Variants in LPIN2 observed in about 807,000 individuals in gnomAD.
The protein encoded by LPIN2 is phosphatidate phosphatase LPIN2.
A neutral mutation model predicts 111.4 loss-of-function variants in LPIN2; 55 were observed. The ratio of observed to expected loss-of-function variants is 0.49; its 90% CI spans 0.40 to 0.62. The LOEUF (loss-of-function observed/expected upper bound fraction) is 0.62. Among genes scored for constraint, LPIN2 ranks in the 20% least tolerant of loss-of-function variants. LPIN2 has a pLI of 0.00. For synonymous variants in LPIN2, 425 were observed against 414.0 expected (o/e 1.03, Z -0.32); for missense variants, 992 against 1,112.1 (o/e 0.89, Z 1.54).
intron 3 of LPIN2, among the ~76,000 whole-genome samples, chr18:2,951,734 C>G (rs1386764057): frequency 1.3e-5 from 2 of 152,180 alleles, no homozygotes; most frequent in Admixed American, 1.3e-4. Context: ...AGAACTCACA[C>G]AGAACATTCA....
intron 9 of LPIN2, among the ~76,000 whole-genome samples, chr18:2,929,512 T>G (rs2077185140): frequency 6.6e-6 from 1 of 152,182 alleles, no homozygotes. Context: ...GAAGTTCTAT[T>G]CTCAGAGGAA....
intron 1 of LPIN2, among the ~76,000 whole-genome samples, chr18:3,012,806 A>C (rs62077521): frequency 1 from 151,873 of 151,878 alleles, 75,934 homozygotes; most frequent in Middle Eastern, 1. Flanking sequence ...TGACGCCCCG[A>C]CGCCCCCGGC....
chr18:2,947,513 A>C (rs977417089), intron 4 of LPIN2, among the ~76,000 whole-genome samples: 5 of 152,220 alleles, frequency 3.3e-5, no homozygotes, highest in African/African-American at 4.8e-5. Context: ...TCCAGAAATG[A>C]GTTTCTTCCA....
chr18:2,951,079 T>C lies in LPIN2; in HGVS notation c.566A>G (p.Asp189Gly), dbSNP rs745512738. ...DTCDVGVSSD[D>G]DKGAQAARGS... ...CCGTGCTGCCTGGGCCCCCTTGTCA[T>C]CATCGGAGCTCACGCCTACATCACA... The change falls in exon 4 of 20, where the codon GAT becomes GGT. Residue 189 changes from aspartate (D) to glycine (G), a missense_variant. Physicochemically the swap from Asp to Gly is moderately conservative, Grantham distance 94 (BLOSUM62 -1). Around this residue, in one of 4 missense-constraint regions of LPIN2, gnomAD observed 709 missense variants for 753.2 expected, o/e 0.94. Coordinates refer to ENST00000677752, the MANE Select transcript of LPIN2 (RefSeq NM_001375808.2). The C allele has an allele frequency of 6.2e-7, 1 of 1,614,186 alleles. No homozygotes were observed. Among genetic ancestry groups the C allele is most frequent in the Non-Finnish European group, 8.5e-7 (1 of 1,180,030 alleles).
Position 2,920,151 on chromosome 18 carries a change from G to T in LPIN2, c.*142C>A. The T allele has an allele frequency of 8.7e-7, 1 of 1,149,906 alleles. No homozygotes were observed. The highest frequency in any genetic ancestry group is 1.3e-6 in the Non-Finnish European group (1 of 787,914). The allele number at this position is 1,149,906 out of a possible 1,614,324, so 71.2% of individuals were successfully genotyped here. ...GAGCCTGAGCAGCTGGCCTGGGAAGGCAAAGGAGGATGGCGGGACCAGCTC... is the reference window on the plus strand; with the variant it reads ...GAGCCTGAGCAGCTGGCCTGGGAAGTCAAAGGAGGATGGCGGGACCAGCTC... On this transcript the variant is annotated 3_prime_UTR_variant, in exon 20 of 20. Coordinates refer to ENST00000677752, the MANE Select transcript of LPIN2 (RefSeq NM_001375808.2).
chr18:2,982,899 G>T (rs1485709704), intron 1 of LPIN2: 2 of 340,752 alleles, frequency 5.9e-6, no homozygotes, highest in Admixed American at 4.1e-5. Flanking sequence ...GAAAGGAAAT[G>T]GTTCTTAAAA....
chr18:2,985,454 T>A (rs1370173166), intron 1 of LPIN2: 5 of 152,176 alleles, frequency 3.3e-5, no homozygotes, highest in East Asian at 1.9e-4. Context: ...ATCTTTTTTT[T>A]AAAAAGTGCA....
intron 3 of LPIN2, among the ~76,000 whole-genome samples, chr18:2,953,706 T>A (rs1215461479): frequency 6.6e-6 from 1 of 152,252 alleles, no homozygotes; most frequent in East Asian, 1.9e-4. Flanking sequence ...CCTTAATAAC[T>A]TGATGCTTAT....
intron 9 of LPIN2, among the ~76,000 whole-genome samples, chr18:2,930,669 A>C (rs952891018): frequency 2.0e-5 from 3 of 152,348 alleles, no homozygotes; most frequent in Middle Eastern, 3.4e-3. Context: ...AATGCTGATG[A>C]ATTGAGGACG....
intron 16 of LPIN2, among the ~76,000 whole-genome samples, 166 bp from the exon 17 acceptor site, chr18:2,922,365 C>T (rs1236802380): frequency 2.0e-5 from 3 of 151,830 alleles, no homozygotes; most frequent in African/African-American, 7.3e-5. Context: ...ACCTCCACCT[C>T]CTGGATTCAA....
chr18:2,918,426 G>C lies in LPIN2; in HGVS notation c.*1867C>G, dbSNP rs915486007. ...TCATTCTTCCTCTAAATAGAAGGTA[G>C]TCAAGAGGACACACAGATGGCATCT... On this transcript the variant is annotated 3_prime_UTR_variant, in exon 20 of 20. Transcript: ENST00000677752. 2.6e-5 allele frequency: 4 copies of C among 152,230 alleles called. No individual in the cohort carries two copies. The highest frequency in any genetic ancestry group is 5.9e-5 in the Non-Finnish European group (4 of 68,050). The allele number at this position is 152,230 out of a possible 1,614,324, so 9.4% of individuals were successfully genotyped here.
chr18:3,008,267 C>A (rs1209619867), intron 1 of LPIN2, among the ~76,000 whole-genome samples: 1 of 152,142 alleles, frequency 6.6e-6, no homozygotes, highest in Non-Finnish European at 1.5e-5. Context: ...CATGATGATA[C>A]CTTGTCCTAC....
At chr18:2,928,786 TG>T in intron 10 of LPIN2, 126 bp from the exon 11 acceptor site, 1 of 783,128 alleles carries the variant, frequency 1.3e-6, no homozygotes, top group Non-Finnish European at 2.2e-6. Context: ...TCAATAAAGA[TG>T]ATCAGCTGAA....
Position 2,920,167 on chromosome 18 carries a change from G to A in LPIN2, c.*126C>T. 2 of 1,332,366 alleles carry A rather than the reference G, an allele frequency of 1.5e-6. No individual in the cohort carries two copies. Among genetic ancestry groups the A allele is most frequent in the South Asian group, 1.2e-5 (1 of 82,176 alleles). 82.5% of individuals were successfully genotyped at this position (1,332,366 alleles called of 1,614,324 possible). A position where few individuals can be genotyped will look rare whatever the true frequency, so the allele number is the denominator to read the frequency against. ...CCTGGGAAGGCAAAGGAGGATGGCG[G>A]GACCAGCTCCAGAAGCACCCGTCCC... On this transcript the variant is annotated 3_prime_UTR_variant, in exon 20 of 20. Coordinates refer to ENST00000677752, the MANE Select transcript of LPIN2 (RefSeq NM_001375808.2).
rs1430435934 is a variant in LPIN2, at chr18:2,918,862, G to A, written c.*1431C>T. 6.6e-6 allele frequency: 1 copy of A among 152,218 alleles called. No individual in the cohort carries two copies. The highest frequency in any genetic ancestry group is 1.5e-5 in the Non-Finnish European group (1 of 68,044). 9.4% of individuals were successfully genotyped at this position (152,218 alleles called of 1,614,324 possible). A position where few individuals can be genotyped will look rare whatever the true frequency, so the allele number is the denominator to read the frequency against. On this transcript the variant is annotated 3_prime_UTR_variant, in exon 20 of 20. Transcript: ENST00000677752. ...GGTTCCACTACAACGGCAGGGGCAT[G>A]AAGAGTTGGCCACGAGACCACCCCG...
At chr18:2,960,165 G>A (rs1255270362) in intron 2 of LPIN2, among the ~76,000 whole-genome samples, 2 of 125,588 alleles carry the variant, frequency 1.6e-5, no homozygotes, top group African/African-American at 5.9e-5. Context: ...GCGAGACTCC[G>A]ACTCAAAAAT....
chr18:2,991,768 T>C (rs955090669), intron 1 of LPIN2, among the ~76,000 whole-genome samples: 1 of 151,916 alleles, frequency 6.6e-6, no homozygotes, highest in South Asian at 2.1e-4. Context: ...TCTCAGCACT[T>C]TGGGAGGGGG....
chr18:2,981,851 T>C (rs2143374803), intron 1 of LPIN2, among the ~76,000 whole-genome samples: 2 of 152,370 alleles, frequency 1.3e-5, no homozygotes, highest in Admixed American at 6.5e-5. Context: ...AATCAAGTTA[T>C]GAGCCACAGA....
chr18:2,938,416 C>CG (rs992530247), intron 6 of LPIN2, among the ~76,000 whole-genome samples: 2 of 151,974 alleles, frequency 1.3e-5, no homozygotes, highest in African/African-American at 4.8e-5. Flanking sequence ...CTCAGCTACT[C>CG]GGGAGGCTGA....
Sources: allele counts gnomAD v4.1 joint callset (sites outside exome capture counted in the v4.1 genomes callset), GRCh38; gene constraint gnomAD v4.1.1; regional missense constraint gnomAD v4.1.1; transcripts MANE v1.5; gene names NCBI Gene and HGNC (gene_info 2026-07-23, HGNC 2026-07-21).